GRM4: variants seen among roughly 807,000 people sequenced by gnomAD.
The protein encoded by GRM4 is glutamate metabotropic receptor 4, also known as metabotropic glutamate receptor 4.
A neutral mutation model predicts 81.7 loss-of-function variants in GRM4; 28 were observed. The ratio of observed to expected loss-of-function variants is 0.34; its 90% CI spans 0.25 to 0.47. The LOEUF is 0.47. Ranked by LOEUF, GRM4 falls within the 20% of genes least tolerant of loss-of-function variation. The probability of loss-of-function intolerance (pLI) is 1.00; values close to 1 mark genes in which losing one functional copy is unlikely to be tolerated. For synonymous variants in GRM4, 488 were observed against 528.8 expected (o/e 0.92, Z 1.06); for missense variants, 948 against 1,290.0 (o/e 0.73, Z 4.06).
intron 2 of GRM4, among the ~76,000 whole-genome samples, chr6:34,100,390 T>G (rs1326159640): frequency 6.6e-6 from 1 of 152,010 alleles, no homozygotes; most frequent in Non-Finnish European, 1.5e-5. Context: ...TGATGGAGAG[T>G]GCATGTCAGA....
intron 3 of GRM4, 109 bp from the exon 4 acceptor site, chr6:34,062,137 C>G: frequency 8.4e-7 from 1 of 1,192,704 alleles, no homozygotes. Flanking sequence ...CCCAGGCTCC[C>G]CAGCCTGACT....
Position 34,138,095 on chromosome 6 carries a change from G to A in GRM4, c.-363-4236C>T, listed in dbSNP as rs555206655. On this transcript the variant is annotated intron_variant, in intron 1 of 10. Coordinates refer to ENST00000538487, the MANE Select transcript of GRM4 (RefSeq NM_000841.4). ...TTATTCTTCCAAAACTAAGAAAATA[G>A]AACAAAACCCAAACACCAGAATAAA... Among the ~76,000 whole-genome samples, 30 of 152,216 alleles carry A rather than the reference G, an allele frequency of 2.0e-4. No individual in the cohort carries two copies. The South Asian group carries it at 4.8e-3, about 24-fold the overall frequency.
chr6:34,079,036 C>T (rs999231548), intron 3 of GRM4, among the ~76,000 whole-genome samples: 1 of 152,200 alleles, frequency 6.6e-6, no homozygotes, highest in Non-Finnish European at 1.5e-5. Context: ...TTTCTGTTGG[C>T]TAATTCCTAT....
chr6:34,092,900 C>A lies in GRM4; in HGVS notation c.520-801G>T, dbSNP rs183297800. 1.8e-3 allele frequency among the ~76,000 whole-genome samples: 273 copies of A among 152,228 alleles called. No individual in the cohort carries two copies. Among genetic ancestry groups the A allele is most frequent in the African/African-American group, 6.3e-3 (260 of 41,552 alleles). On this transcript the variant is annotated intron_variant, in intron 2 of 10. Coordinates refer to ENST00000538487, the MANE Select transcript of GRM4 (RefSeq NM_000841.4). The surrounding 1 kb of genome is among the most constrained non-coding windows in gnomAD (Gnocchi z 6.8). Reference sequence around the variant, plus strand: ...CCTCCTGTAGATACACCCAACCATCCCCAGGACAGGGAAGGGGTATGGTCC... The same window carrying A: ...CCTCCTGTAGATACACCCAACCATCACCAGGACAGGGAAGGGGTATGGTCC...
At position 34,130,548 on chromosome 6, in the gene GRM4, TC is replaced by T. The variant is rs1205276103; in HGVS notation, c.519+2429del. Reference sequence around the variant, plus strand: ...AGGCCCCTCACCCCACCCTGGCCCTTCCCCATGCTGGGAGAGGTTAGCACAG... The same window carrying T: ...AGGCCCCTCACCCCACCCTGGCCCTTCCCATGCTGGGAGAGGTTAGCACAG... On this transcript the variant is annotated intron_variant, in intron 2 of 10. Coordinates refer to ENST00000538487, the MANE Select transcript of GRM4 (RefSeq NM_000841.4). The surrounding 1 kb of genome is among the most constrained non-coding windows in gnomAD (Gnocchi z 4.1). Among the ~76,000 whole-genome samples, 2 of 152,088 alleles carry T rather than the reference TC, an allele frequency of 1.3e-5. No homozygotes were observed. The highest frequency in any genetic ancestry group is 4.8e-5 in the African/African-American group (2 of 41,418).
intron 6 of GRM4, among the ~76,000 whole-genome samples, chr6:34,049,489 A>G (rs1765509857): frequency 1.3e-5 from 2 of 151,910 alleles, no homozygotes; most frequent in African/African-American, 2.4e-5. Flanking sequence ...TGGTGCTCCC[A>G]GCCAGCCCCA....
At chr6:34,138,278 A>G (rs1770546860) in intron 1 of GRM4, among the ~76,000 whole-genome samples, 1 of 152,166 alleles carries the variant, frequency 6.6e-6, no homozygotes, top group African/African-American at 2.4e-5. Context: ...AAAAAGAGCC[A>G]GGCCAAGAGC....
Position 34,036,580 on chromosome 6 carries a change from C to G in GRM4, c.1530G>C (p.Gly510=). Residue 510 remains glycine (G), a synonymous_variant, in exon 9 of 11, where the codon GGG becomes GGC. Coordinates refer to ENST00000538487, the MANE Select transcript of GRM4 (RefSeq NM_000841.4). This position sits in a 1 kb window ranked among gnomAD's most constrained non-coding sequence, Gnocchi z 9.0. ...HLRIERMHWP[G]SGQQLPRSIC... Reference sequence around the variant, plus strand: ...TGGAGCGGGGCAGCTGCTGCCCGCTCCCCGGCCAGTGCATCCGCTCTATCT... The same window carrying G: ...TGGAGCGGGGCAGCTGCTGCCCGCTGCCCGGCCAGTGCATCCGCTCTATCT... The G allele has an allele frequency of 6.3e-7, 1 of 1,586,216 alleles. No individual in the cohort carries two copies. The highest frequency in any genetic ancestry group is 8.6e-7 in the Non-Finnish European group (1 of 1,164,848).
At chr6:34,026,047 G>A (rs1218265479) in intron 10 of GRM4, among the ~76,000 whole-genome samples, 3 of 152,194 alleles carry the variant, frequency 2.0e-5, no homozygotes, top group Non-Finnish European at 2.9e-5. Flanking sequence ...TCAGTTGCCG[G>A]AGGCGCAGAT....
intron 2 of GRM4, among the ~76,000 whole-genome samples, chr6:34,126,412 C>T (rs1447091027): frequency 6.6e-6 from 1 of 152,098 alleles, no homozygotes; most frequent in Non-Finnish European, 1.5e-5. Context: ...TCGTTCAGCC[C>T]CCACCCCCAA....
At position 34,130,306 on chromosome 6, in the gene GRM4, T is replaced by C. The variant is rs1770186144; in HGVS notation, c.519+2672A>G. Among the ~76,000 whole-genome samples the C allele has an allele frequency of 6.6e-6, 1 of 152,106 alleles. No homozygotes were observed. Among genetic ancestry groups the C allele is most frequent in the African/African-American group, 2.4e-5 (1 of 41,420 alleles). On this transcript the variant is annotated intron_variant, in intron 2 of 10. Coordinates refer to ENST00000538487, the MANE Select transcript of GRM4 (RefSeq NM_000841.4). The surrounding 1 kb of genome is among the most constrained non-coding windows in gnomAD (Gnocchi z 4.1). ...GGTTTTCTCCCCGCTGTCCCTCCCTTTCCTTGCTGTCCTGCTTTCTTCTCC... is the reference window on the plus strand; with the variant it reads ...GGTTTTCTCCCCGCTGTCCCTCCCTCTCCTTGCTGTCCTGCTTTCTTCTCC...
rs1323365983 is a variant in GRM4, at chr6:34,090,670, G to A, written c.736+1213C>T. Among the ~76,000 whole-genome samples, 1 of 152,000 alleles carries A rather than the reference G, an allele frequency of 6.6e-6. No individual in the cohort carries two copies. Among genetic ancestry groups the A allele is most frequent in the Non-Finnish European group, 1.5e-5 (1 of 67,974 alleles). ...CCCGCTGCCCCCTCCACCAGGTGGAGGCCCCCAAGCAGCTTCAGCTGTACA... is the reference window on the plus strand; with the variant it reads ...CCCGCTGCCCCCTCCACCAGGTGGAAGCCCCCAAGCAGCTTCAGCTGTACA... On this transcript the variant is annotated intron_variant, in intron 3 of 10. Coordinates refer to ENST00000538487, the MANE Select transcript of GRM4 (RefSeq NM_000841.4). This position sits in a 1 kb window ranked among gnomAD's most constrained non-coding sequence, Gnocchi z 5.2.
chr6:34,056,569 C>G lies in GRM4; in HGVS notation c.1143G>C (p.Lys381Asn). ...TGGTGCACTTCTTGACGTGGCTGCC[C>G]TTCTTGAGGGCGTGGCGGCTCAGCT... Reference protein sequence around the residue: ...HCKLSRHALKKGSHVKKCTNR... With the variant: ...HCKLSRHALKNGSHVKKCTNR... The change falls in exon 6 of 11, where the codon AAG becomes AAC. Residue 381 changes from lysine to asparagine, a missense_variant. Transcript: ENST00000538487. The G allele has an allele frequency of 6.2e-7, 1 of 1,613,446 alleles. No individual in the cohort carries two copies. Among genetic ancestry groups the G allele is most frequent in the Non-Finnish European group, 8.5e-7 (1 of 1,179,886 alleles).
chr6:34,077,201 T>A (rs1387055719), intron 3 of GRM4, among the ~76,000 whole-genome samples: 1 of 152,048 alleles, frequency 6.6e-6, no homozygotes, highest in Non-Finnish European at 1.5e-5. Context: ...TCCCCAGAGG[T>A]AGGGTGCAGC....
upstream of GRM4, among the ~76,000 whole-genome samples, chr6:34,147,553 G>A (rs1417657629): frequency 6.6e-6 from 1 of 152,220 alleles, no homozygotes; most frequent in Non-Finnish European, 1.5e-5. Context: ...TGTAGAACAA[G>A]GATTACGACA....
chr6:34,081,995 A>G (rs1009715348), intron 3 of GRM4, among the ~76,000 whole-genome samples: 4 of 152,174 alleles, frequency 2.6e-5, no homozygotes, highest in Non-Finnish European at 4.4e-5. Flanking sequence ...CCTTTAGCCA[A>G]GGGAAGAAAC....
chr6:34,030,495 C>T (rs925849309), intron 9 of GRM4, among the ~76,000 whole-genome samples: 2 of 152,198 alleles, frequency 1.3e-5, no homozygotes, highest in African/African-American at 2.4e-5. Flanking sequence ...CGAGGGCCAG[C>T]GTCCTGGGTT....
intron 2 of GRM4, among the ~76,000 whole-genome samples, chr6:34,108,391 C>G (rs532281418): frequency 6.6e-6 from 1 of 152,370 alleles, no homozygotes; most frequent in South Asian, 2.1e-4. Flanking sequence ...GCAGACAGAG[C>G]TGCTAGCGCC....
In GRM4 at chr6:34,130,008, C is replaced by A. The variant is rs73744823; in HGVS notation, c.519+2970G>T. 6.6e-6 allele frequency among the ~76,000 whole-genome samples: 1 copy of A among 152,108 alleles called. No individual in the cohort carries two copies. The highest frequency in any genetic ancestry group is 1.5e-5 in the Non-Finnish European group (1 of 68,018). ...TTAACCCATCATTAGGGGAGCAGGG[C>A]GGGGGCTGCAGTGGTGCCCTTTGAA... On this transcript the variant is annotated intron_variant, in intron 2 of 10. Transcript: ENST00000538487. The surrounding 1 kb of genome is among the most constrained non-coding windows in gnomAD (Gnocchi z 4.1).
Sources: allele counts gnomAD v4.1 joint callset (sites outside exome capture counted in the v4.1 genomes callset), GRCh38; gene constraint gnomAD v4.1.1; non-coding constraint Gnocchi (gnomAD v3.1); transcripts MANE v1.5; gene names NCBI Gene and HGNC (gene_info 2026-07-23, HGNC 2026-07-21).